NXPH1: variants seen among roughly 807,000 people sequenced by gnomAD.
The protein encoded by NXPH1 is neurexophilin-1.
NXPH1 carries 5 observed loss-of-function variants against 23.7 expected under a neutral mutation model. That is an observed-to-expected ratio of 0.21 (90% CI 0.11 to 0.44). The LOEUF is 0.44. Ranked by LOEUF, NXPH1 falls within the 20% of genes least tolerant of loss-of-function variation. The pLI is 0.99. For synonymous variants in NXPH1, 144 were observed against 122.2 expected (o/e 1.18, Z -1.18); for missense variants, 324 against 321.6 (o/e 1.01, Z -0.06).
intron 2 of NXPH1, among the ~76,000 whole-genome samples, chr7:8,710,764 G>T (rs987140483): frequency 3.2e-5 from 4 of 126,568 alleles, no homozygotes; most frequent in Admixed American, 8.5e-5. Context: ...CCGGGTTCAC[G>T]CCATTCTCCT....
intron 2 of NXPH1, among the ~76,000 whole-genome samples, chr7:8,530,298 A>G (rs757129899): frequency 6.6e-6 from 1 of 152,194 alleles, no homozygotes; most frequent in Non-Finnish European, 1.5e-5. Context: ...TAGAGATCTT[A>G]TCTTTTCCAA....
chr7:8,553,186 T>G (rs1309896588), intron 2 of NXPH1, among the ~76,000 whole-genome samples: 1 of 151,592 alleles, frequency 6.6e-6, no homozygotes, highest in Non-Finnish European at 1.5e-5. Context: ...CAAACAAATT[T>G]ATTTCTCTAT....
chr7:8,504,602 AGGC>A (rs1817491537), intron 2 of NXPH1, among the ~76,000 whole-genome samples: 1 of 152,068 alleles, frequency 6.6e-6, no homozygotes, highest in African/African-American at 2.4e-5. Flanking sequence ...ATGGAGAACA[AGGC>A]CTATCAGAGA....
chr7:8,494,566 TG>T (rs1430550135), intron 2 of NXPH1, among the ~76,000 whole-genome samples: 2 of 151,132 alleles, frequency 1.3e-5, no homozygotes, highest in African/African-American at 4.9e-5. Flanking sequence ...TTCAGAAAAT[TG>T]TTGCTTTTTA....
chr7:8,500,868 T>C (rs1332535386), intron 2 of NXPH1, among the ~76,000 whole-genome samples: 1 of 152,094 alleles, frequency 6.6e-6, no homozygotes, highest in Non-Finnish European at 1.5e-5. Flanking sequence ...GATCAATGGT[T>C]AAATAATGAC....
chr7:8,647,035 C>G (rs1334405812), intron 2 of NXPH1, among the ~76,000 whole-genome samples: 2 of 152,062 alleles, frequency 1.3e-5, no homozygotes, highest in African/African-American at 4.8e-5. Flanking sequence ...CAGTCAGACC[C>G]AGCTCCTAGC....
chr7:8,483,734 A>T (rs1199224253), intron 2 of NXPH1, among the ~76,000 whole-genome samples: 1 of 152,218 alleles, frequency 6.6e-6, no homozygotes, highest in Non-Finnish European at 1.5e-5. Flanking sequence ...AAAGTGTCCC[A>T]GAAGTACTCT....
At chr7:8,721,609 A>C (rs1303540796) in intron 2 of NXPH1, among the ~76,000 whole-genome samples, 16 of 152,074 alleles carry the variant, frequency 1.1e-4, no homozygotes. Flanking sequence ...CCCTGTCTCC[A>C]CTTAAAAAAA....
At chr7:8,443,805 G>A (rs182443622) in intron 2 of NXPH1, among the ~76,000 whole-genome samples, 359 of 152,290 alleles carry the variant, frequency 2.4e-3, no homozygotes, top group Non-Finnish European at 4.0e-3. Flanking sequence ...ATTAGACCCG[G>A]GATGGAGCGG....
At chr7:8,456,059 A>G (rs1449950920) in intron 2 of NXPH1, among the ~76,000 whole-genome samples, 1 of 152,192 alleles carries the variant, frequency 6.6e-6, no homozygotes, top group Non-Finnish European at 1.5e-5. Context: ...AAGTCATTTG[A>G]TAAGTGGTGA....
In NXPH1 at chr7:8,742,733, A is replaced by G. The variant is rs183536200; in HGVS notation, c.55-8275A>G. On this transcript the variant is annotated intron_variant, in intron 2 of 2. Coordinates refer to ENST00000405863, the MANE Select transcript of NXPH1 (RefSeq NM_152745.3). ...GAAGCAGGGGTTGATGATGAAGAAC[A>G]TCTTTTACATTTTATTTTATTAATT... 2.4e-3 allele frequency among the ~76,000 whole-genome samples: 372 copies of G among 152,284 alleles called. 2 individuals are homozygous for G. The highest frequency in any genetic ancestry group is 8.6e-3 in the African/African-American group (359 of 41,574).
At position 8,653,775 on chromosome 7, in the gene NXPH1, C is replaced by A. The variant is rs551923355; in HGVS notation, c.55-97233C>A. ...ATTGTTCTATAAGGTGATAGGAGAA[C>A]TTTTCAGAGGAGTTTTCATCTTATC... On this transcript the variant is annotated intron_variant, in intron 2 of 2. Coordinates refer to ENST00000405863, the MANE Select transcript of NXPH1 (RefSeq NM_152745.3). 8.5e-5 allele frequency among the ~76,000 whole-genome samples: 13 copies of A among 152,286 alleles called. No homozygotes were observed. The South Asian group carries it at 1.2e-3, about 15-fold the overall frequency.
chr7:8,475,519 A>C (rs1816954623), intron 2 of NXPH1, among the ~76,000 whole-genome samples: 1 of 152,146 alleles, frequency 6.6e-6, no homozygotes, highest in Admixed American at 6.6e-5. Flanking sequence ...CTGAAAACCC[A>C]ACTAGAGCAG....
At chr7:8,678,873 A>T (rs2115174782) in intron 2 of NXPH1, among the ~76,000 whole-genome samples, 1 of 137,008 alleles carries the variant, frequency 7.3e-6, no homozygotes, top group African/African-American at 2.8e-5. Context: ...ATCCTTGCAG[A>T]CCTCTCCTCT....
chr7:8,721,527 G>T (rs528380746), intron 2 of NXPH1, among the ~76,000 whole-genome samples: 2 of 152,336 alleles, frequency 1.3e-5, no homozygotes, highest in East Asian at 1.9e-4. Context: ...TGTAATCCCA[G>T]CACTTTGGGA....
chr7:8,712,697 G>A (rs1562462485), intron 2 of NXPH1, among the ~76,000 whole-genome samples: 1 of 152,160 alleles, frequency 6.6e-6, no homozygotes, highest in Non-Finnish European at 1.5e-5. Context: ...CAGCCCCATG[G>A]GTTGTGTTAT....
chr7:8,522,122 A>G (rs937703598), intron 2 of NXPH1, among the ~76,000 whole-genome samples: 10 of 152,244 alleles, frequency 6.6e-5, no homozygotes, highest in Non-Finnish European at 1.3e-4. Flanking sequence ...TTAGGACTAC[A>G]ATGCATTACT....
chr7:8,624,524 T>C (rs140645530), intron 2 of NXPH1, among the ~76,000 whole-genome samples: 54 of 151,516 alleles, frequency 3.6e-4, no homozygotes, highest in African/African-American at 1.3e-3. Flanking sequence ...AAAGAAAAAG[T>C]GAGGAGAGCA....
chr7:8,660,437 T>G (rs530371683), intron 2 of NXPH1, among the ~76,000 whole-genome samples: 1 of 152,230 alleles, frequency 6.6e-6, no homozygotes, highest in African/African-American at 2.4e-5. Context: ...AGCATAGTAT[T>G]TTTTGCTAAA....
Sources: allele counts gnomAD v4.1 joint callset (sites outside exome capture counted in the v4.1 genomes callset), GRCh38; gene constraint gnomAD v4.1.1; transcripts MANE v1.5; gene names NCBI Gene and HGNC (gene_info 2026-07-23, HGNC 2026-07-21).